Variants in CSMD1 observed in about 807,000 individuals in gnomAD.
CSMD1 encodes the protein CUB and Sushi multiple domains 1, also known as CUB and sushi domain-containing protein 1.
In CSMD1, 213 loss-of-function variants were observed where a neutral mutation model predicts 417.5. The ratio of observed to expected loss-of-function variants is 0.51; its 90% CI spans 0.46 to 0.57. The LOEUF (loss-of-function observed/expected upper bound fraction) is 0.57, where lower values mean the gene tolerates loss of function less well. Among genes scored for constraint, CSMD1 ranks in the 20% least tolerant of loss-of-function variants. The pLI is 0.00. For synonymous variants in CSMD1, 2,862 were observed against 1,736.8 expected (o/e 1.65, Z -16.11); for missense variants, 6,923 against 4,529.7 (o/e 1.53, Z -15.17).
intron 3 of CSMD1, among the ~76,000 whole-genome samples, chr8:4,169,320 C>A (rs1269112878): frequency 2.0e-5 from 3 of 152,160 alleles, no homozygotes; most frequent in Non-Finnish European, 4.4e-5. Flanking sequence ...TAAAGCTGGT[C>A]CCTCCCATGT....
chr8:3,394,010 AAT>A lies in CSMD1; in HGVS notation c.2593+2182_2593+2183del, dbSNP rs1491189785. ...TAATAATAATAATAATAAAAAAATA[AAT>A]TATATATATATATATATATATATAT... On this transcript the variant is annotated intron_variant, in intron 17 of 69. Coordinates refer to ENST00000635120, the MANE Select transcript of CSMD1 (RefSeq NM_033225.6). 5.4e-3 allele frequency among the ~76,000 whole-genome samples: 371 copies of A among 68,922 alleles called. 18 individuals carry two copies. Among genetic ancestry groups the A allele is most frequent in the African/African-American group, 0.014 (224 of 16,286 alleles). 45.2% of individuals were successfully genotyped at this position (68,922 alleles called of 152,430 possible). A position where few individuals can be genotyped will look rare whatever the true frequency, so the allele number is the denominator to read the frequency against.
rs191143725 is a variant in CSMD1 at position 4,170,346 on chromosome 8, G to A, written c.416-138247C>T. ...AACAAATTCTGTCTCATTTCATGCAGTTCCGTATATTCGGATAATTTATGA... is the reference window on the plus strand; with the variant it reads ...AACAAATTCTGTCTCATTTCATGCAATTCCGTATATTCGGATAATTTATGA... On this transcript the variant is annotated intron_variant, in intron 3 of 69. Transcript: ENST00000635120. 4.6e-5 allele frequency among the ~76,000 whole-genome samples: 7 copies of A among 151,954 alleles called. No individual in the cohort carries two copies. The East Asian group carries it at 1.4e-3, about 29-fold the overall frequency.
chr8:3,661,017 T>G (rs190865780), intron 7 of CSMD1, among the ~76,000 whole-genome samples: 30 of 152,234 alleles, frequency 2.0e-4, no homozygotes, highest in Admixed American at 1.4e-3. Context: ...CAACTGCTAT[T>G]TGGTATGCGG....
At chr8:3,400,584 T>C (rs943268504) in intron 15 of CSMD1, among the ~76,000 whole-genome samples, 2 of 151,944 alleles carry the variant, frequency 1.3e-5, no homozygotes, top group Non-Finnish European at 1.5e-5. Flanking sequence ...TGACCATATA[T>C]TGGAATGTGG....
At chr8:3,565,537 T>G (rs1799668778) in intron 10 of CSMD1, among the ~76,000 whole-genome samples, 1 of 152,208 alleles carries the variant, frequency 6.6e-6, no homozygotes, top group Admixed American at 6.5e-5. Context: ...AACATAGGTT[T>G]CTATGTTAAC....
intron 6 of CSMD1, among the ~76,000 whole-genome samples, chr8:3,738,333 G>A (rs1187086616): frequency 4.6e-5 from 7 of 152,148 alleles, no homozygotes; most frequent in East Asian, 1.9e-4. Context: ...TCAATACATC[G>A]TACAATGCAT....
At chr8:4,089,681 A>G (rs183285245) in intron 3 of CSMD1, among the ~76,000 whole-genome samples, 4 of 152,338 alleles carry the variant, frequency 2.6e-5, no homozygotes, top group Non-Finnish European at 2.9e-5. Context: ...AGTGCTTAAC[A>G]TATAGAATGT....
intron 54 of CSMD1, among the ~76,000 whole-genome samples, chr8:2,993,774 C>T (rs552649787): frequency 9.9e-5 from 15 of 152,152 alleles, no homozygotes; most frequent in Admixed American, 2.6e-4. Flanking sequence ...AGACAGCTCC[C>T]GTCTCGGCCC....
At chr8:4,623,841 C>G (rs2725021) in intron 2 of CSMD1, among the ~76,000 whole-genome samples, 75,783 of 151,534 alleles carry the variant, frequency 0.5, 19,471 homozygotes, top group African/African-American at 0.61. Flanking sequence ...GGCAACAAAA[C>G]TTAGAACACA....
chr8:4,188,084 C>G (rs5028014), intron 3 of CSMD1, among the ~76,000 whole-genome samples: 114 of 152,042 alleles, frequency 7.5e-4, no homozygotes, highest in African/African-American at 2.7e-3. Flanking sequence ...AGAAAAGTGA[C>G]TGCTGGCAGG....
rs141634719 is a variant in CSMD1, at chr8:3,994,425, G to A, written c.818+3478C>T. ...ATATTATTAGAAGTACAAGTTATAG[G>A]CTACACCATCAAATCTCTTCAGAAA... On this transcript the variant is annotated intron_variant, in intron 5 of 69. Coordinates refer to ENST00000635120, the MANE Select transcript of CSMD1 (RefSeq NM_033225.6). 4.7e-4 allele frequency among the ~76,000 whole-genome samples: 64 copies of A among 136,044 alleles called. No homozygotes were observed. In the East Asian group the frequency reaches 7.4e-3, roughly 16 times the overall value. The allele number at this position is 136,044 out of a possible 152,430, so 89.3% of individuals were successfully genotyped here.
intron 3 of CSMD1, among the ~76,000 whole-genome samples, chr8:4,306,886 G>C (rs981802479): frequency 6.6e-6 from 1 of 151,970 alleles, no homozygotes; most frequent in Non-Finnish European, 1.5e-5. Context: ...CTGCAGTTAT[G>C]CTTTCCTTAC....
At chr8:4,213,703 T>C (rs1013762123) in intron 3 of CSMD1, among the ~76,000 whole-genome samples, 2 of 152,212 alleles carry the variant, frequency 1.3e-5, no homozygotes, top group Non-Finnish European at 2.9e-5. Flanking sequence ...TGGGAAGCCG[T>C]GGGCTCCTGT....
At chr8:3,443,380 C>A (rs758876827) in intron 12 of CSMD1, among the ~76,000 whole-genome samples, 6 of 152,028 alleles carry the variant, frequency 3.9e-5, no homozygotes, top group African/African-American at 1.4e-4. Context: ...AGAATGAGCT[C>A]CAGAATTCAT....
At chr8:3,217,449 A>C (rs1317515574) in intron 29 of CSMD1, among the ~76,000 whole-genome samples, 6 of 152,194 alleles carry the variant, frequency 3.9e-5, no homozygotes, top group Non-Finnish European at 8.8e-5. Context: ...CGGGGAGAAC[A>C]GGAGTTGTCA....
intron 3 of CSMD1, among the ~76,000 whole-genome samples, chr8:4,187,155 T>C (rs999270891): frequency 6.6e-6 from 1 of 152,170 alleles, no homozygotes; most frequent in Admixed American, 6.5e-5. Flanking sequence ...ATTTACTGCT[T>C]GTAGTATTAA....
At chr8:2,996,440 C>T (rs558683396) in intron 54 of CSMD1, among the ~76,000 whole-genome samples, 1 of 152,280 alleles carries the variant, frequency 6.6e-6, no homozygotes, top group Admixed American at 6.5e-5. Flanking sequence ...AGAAATGAAG[C>T]ATATTGCTAA....
intron 26 of CSMD1, among the ~76,000 whole-genome samples, chr8:3,257,349 G>A (rs1027875932): frequency 5.3e-4 from 81 of 152,234 alleles, no homozygotes; most frequent in African/African-American, 1.9e-3. Context: ...ACTTCTGAGT[G>A]CCTACTGCAT....
At chr8:4,513,762 C>T (rs150054591) in intron 2 of CSMD1, among the ~76,000 whole-genome samples, 15 of 152,256 alleles carry the variant, frequency 9.9e-5, no homozygotes, top group East Asian at 3.9e-4. Context: ...ACATAAATTT[C>T]GATGAAAATA....
Sources: allele counts gnomAD v4.1 joint callset (sites outside exome capture counted in the v4.1 genomes callset), GRCh38; gene constraint gnomAD v4.1.1; transcripts MANE v1.5; gene names NCBI Gene and HGNC (gene_info 2026-07-23, HGNC 2026-07-21).